Variants in LRRC49 observed in about 807,000 individuals in gnomAD.
The protein encoded by LRRC49 is leucine-rich repeat-containing protein 49.
In LRRC49, 50 loss-of-function variants were observed where a neutral mutation model predicts 83.3. The ratio of observed to expected loss-of-function variants is 0.60; its 90% CI spans 0.48 to 0.76. The LOEUF (loss-of-function observed/expected upper bound fraction) is 0.76, where lower values mean the gene tolerates loss of function less well. LRRC49 is among the 30% of genes least tolerant of loss of function. The pLI, the probability that LRRC49 is intolerant of heterozygous loss-of-function variation, is 0.00. For synonymous variants in LRRC49, 286 were observed against 283.3 expected (o/e 1.01, Z -0.10); for missense variants, 704 against 809.1 (o/e 0.87, Z 1.58).
intron 14 of LRRC49, among the ~76,000 whole-genome samples, chr15:71,017,701 A>G (rs112266586): frequency 1.1e-4 from 17 of 152,328 alleles, no homozygotes; most frequent in Non-Finnish European, 2.5e-4. Context: ...TTAAAAACCA[A>G]TAATATCAAT....
upstream of LRRC49, chr15:70,892,627 C>A (rs1347041194): frequency 6.9e-7 from 1 of 1,452,154 alleles, no homozygotes; most frequent in African/African-American, 1.4e-5. Context: ...CCAGCTTATC[C>A]TCCTCCCAAT....
At chr15:71,003,199 T>A (rs1483478861) in intron 11 of LRRC49, among the ~76,000 whole-genome samples, 1 of 152,030 alleles carries the variant, frequency 6.6e-6, no homozygotes, top group Non-Finnish European at 1.5e-5. Flanking sequence ...CCTCCCAGAG[T>A]GCTGGGATTA....
rs747903537 is a variant in LRRC49, at chr15:70,980,153, A to G, written c.974A>G (p.Lys325Arg). The change falls in exon 10 of 16, where the codon AAG (lysine) becomes AGG (arginine). Residue 325 changes from lysine (K) to arginine (R), a missense_variant. Physicochemically the swap from Lys to Arg is conservative, Grantham distance 26. This residue lies in a region of LRRC49 where 168 missense variants were observed against 140.6 expected (regional missense o/e 1.20). Coordinates refer to ENST00000260382, the MANE Select transcript of LRRC49 (RefSeq NM_017691.5). Reference protein sequence around the residue: ...SVLAKKEEEKKRESHKQSLLK... With the variant: ...SVLAKKEEEKRRESHKQSLLK... ...TTAGCCAAAAAAGAGGAAGAGAAGA[A>G]GCGGGAAAGTCATAAACAATCTTTG... 6.2e-7 allele frequency: 1 copy of G among 1,612,418 alleles called. No homozygotes were observed. The highest frequency in any genetic ancestry group is 2.2e-5 in the East Asian group (1 of 44,800).
chr15:70,894,305 C>T (rs745461247), intron 2 of LRRC49, among the ~76,000 whole-genome samples: 3 of 151,902 alleles, frequency 2.0e-5, no homozygotes, highest in Non-Finnish European at 4.4e-5. Context: ...AATGGTATGT[C>T]TTACTACTAA....
At chr15:70,936,019 G>A (rs938681063) in intron 7 of LRRC49, among the ~76,000 whole-genome samples, 2 of 152,044 alleles carry the variant, frequency 1.3e-5, no homozygotes, top group African/African-American at 2.4e-5. Context: ...AATGAATTAG[G>A]TAGCTTTTAC....
At chr15:70,975,992 G>A (rs903123041) in intron 9 of LRRC49, among the ~76,000 whole-genome samples, 2 of 152,194 alleles carry the variant, frequency 1.3e-5, no homozygotes, top group Non-Finnish European at 2.9e-5. Context: ...TCCTTCCCAT[G>A]TGGTAGTCAC....
At chr15:70,974,125 C>G (rs1372659556) in intron 9 of LRRC49, among the ~76,000 whole-genome samples, 1 of 151,510 alleles carries the variant, frequency 6.6e-6, no homozygotes, top group Non-Finnish European at 1.5e-5. Flanking sequence ...GACTCTGTCT[C>G]AAAAAAATAA....
intron 1 of LRRC49, among the ~76,000 whole-genome samples, chr15:70,871,995 G>A (rs570933257): frequency 6.6e-6 from 1 of 152,320 alleles, no homozygotes; most frequent in Non-Finnish European, 1.5e-5. Flanking sequence ...AGACGGGATG[G>A]CGGCCGGGCA....
chr15:70,972,466 G>A (rs892306539), intron 9 of LRRC49, among the ~76,000 whole-genome samples: 1 of 152,056 alleles, frequency 6.6e-6, no homozygotes, highest in Admixed American at 6.6e-5. Context: ...TGTGTCTTGA[G>A]GTTGATTTTC....
chr15:70,895,048 C>T (rs1448539969), intron 2 of LRRC49, among the ~76,000 whole-genome samples: 1 of 152,130 alleles, frequency 6.6e-6, no homozygotes, highest in African/African-American at 2.4e-5. Context: ...CATTCACTTT[C>T]TCTTGTGTGG....
At chr15:70,943,726 T>G (rs1385681920) in intron 8 of LRRC49, among the ~76,000 whole-genome samples, 1 of 152,252 alleles carries the variant, frequency 6.6e-6, no homozygotes, top group African/African-American at 2.4e-5. Context: ...TGAGCCCACT[T>G]GCCCAACTCC....
chr15:70,893,336 C>G (rs1419945056), intron 1 of LRRC49: 2 of 567,432 alleles, frequency 3.5e-6, no homozygotes, highest in African/African-American at 3.8e-5. Flanking sequence ...ATGTCGAAAG[C>G]CTGAGGTACT....
At chr15:70,987,930 A>T (rs2037694543) in intron 11 of LRRC49, among the ~76,000 whole-genome samples, 1 of 152,036 alleles carries the variant, frequency 6.6e-6, no homozygotes, top group African/African-American at 2.4e-5. Context: ...TTCAGTTTCC[A>T]TGTAGTTGAG....
At chr15:70,911,357 A>C (rs1404683910) in intron 5 of LRRC49, among the ~76,000 whole-genome samples, 175 bp from the exon 6 acceptor site, 1 of 151,902 alleles carries the variant, frequency 6.6e-6, no homozygotes, top group East Asian at 1.9e-4. Flanking sequence ...GTGGTATTGC[A>C]TTTTTTTTAA....
At chr15:71,003,798 A>T (rs550112164) in intron 11 of LRRC49, among the ~76,000 whole-genome samples, 3 of 152,354 alleles carry the variant, frequency 2.0e-5, no homozygotes, top group African/African-American at 7.2e-5. Context: ...CCAATGGCAG[A>T]TCTGGAATTT....
intron 8 of LRRC49, among the ~76,000 whole-genome samples, chr15:70,945,666 A>G (rs1349742689): frequency 6.6e-6 from 1 of 151,230 alleles, no homozygotes; most frequent in Non-Finnish European, 1.5e-5. Flanking sequence ...ACTGAAACTC[A>G]GCTTGCTCAG....
intron 5 of LRRC49, among the ~76,000 whole-genome samples, chr15:70,910,656 T>C (rs1398661190): frequency 2.0e-5 from 3 of 152,196 alleles, no homozygotes; most frequent in Non-Finnish European, 4.4e-5. Context: ...TTAGGTGGTA[T>C]GCAGTTTGTC....
At chr15:70,916,091 C>T (rs893602499) in intron 6 of LRRC49, among the ~76,000 whole-genome samples, 2 of 152,052 alleles carry the variant, frequency 1.3e-5, no homozygotes, top group African/African-American at 4.8e-5. Context: ...TTTTAATGTT[C>T]ATCAGGTTTA....
At chr15:70,900,879 A>G (rs1388886060) in intron 3 of LRRC49, 43 bp from the exon 4 acceptor site, 1 of 1,209,792 alleles carries the variant, frequency 8.3e-7, no homozygotes, top group Non-Finnish European at 1.2e-6. Context: ...TCAGACTTCG[A>G]AGGTTTTTCT....
Sources: allele counts gnomAD v4.1 joint callset (sites outside exome capture counted in the v4.1 genomes callset), GRCh38; gene constraint gnomAD v4.1.1; regional missense constraint gnomAD v4.1.1; transcripts MANE v1.5; gene names NCBI Gene and HGNC (gene_info 2026-07-23, HGNC 2026-07-21).